Variants in ADCY9 observed in about 807,000 individuals in gnomAD.
ADCY9 encodes the protein adenylate cyclase 9, also known as adenylate cyclase type 9.
Under a neutral mutation model 101.5 loss-of-function variants are expected in ADCY9, and 50 were observed. The observed-to-expected ratio is 0.49, with a 90% CI of 0.39 to 0.62. ADCY9 has a LOEUF of 0.62. ADCY9 is among the 20% of genes least tolerant of loss of function. The pLI, the probability that ADCY9 is intolerant of heterozygous loss-of-function variation, is 0.00. For missense variants in ADCY9, 1,662 were observed against 1,800.4 expected, an observed-to-expected ratio of 0.92 and a Z score of 1.39; for synonymous variants, 905 against 769.3, an observed-to-expected ratio of 1.18 and a Z score of -2.92.
rs551907526 is a variant in ADCY9, at chr16:3,974,929, G to A, written c.2829-219C>T. ...AGTTTACGTCTTTGTTTACCATCCC[G>A]CATCCTCTCTATCCTGCTGAGGCTT... is the stretch of plus-strand genomic sequence containing the variant. On this transcript the variant is annotated intron_variant, in intron 9 of 10. Transcript: ENST00000294016. Among the ~76,000 whole-genome samples, 8 of 152,210 alleles carry A rather than the reference G, an allele frequency of 5.3e-5. No individual in the cohort carries two copies. The East Asian group carries it at 1.2e-3, about 22-fold the overall frequency.
At chr16:4,081,777 G>A (rs576328059) in intron 2 of ADCY9, among the ~76,000 whole-genome samples, 3 of 147,026 alleles carry the variant, frequency 2.0e-5, no homozygotes, top group African/African-American at 7.5e-5. Context: ...GGGGGAGGGT[G>A]CTGTGTCTGC....
rs144288582 is a variant in ADCY9, at chr16:3,994,578, C to G, written c.1885-1068G>C. Among the ~76,000 whole-genome samples, 259 of 152,316 alleles carry G rather than the reference C, an allele frequency of 1.7e-3. 2 individuals carry two copies. Among genetic ancestry groups the G allele is most frequent in the African/African-American group, 5.9e-3 (247 of 41,578 alleles). On this transcript the variant is annotated intron_variant, in intron 3 of 10. Transcript: ENST00000294016. The stretch of plus-strand genomic sequence containing the variant: ...TCAAGCGATTCTCCTGCCTCAGCCT[C>G]CTGAGTAGCTGCGATTACAGGTGCC...
At chr16:3,957,707 G>A (rs2055915104), downstream of ADCY9, among the ~76,000 whole-genome samples, 1 of 151,980 alleles carries the variant, frequency 6.6e-6, no homozygotes, top group Admixed American at 6.6e-5. Flanking sequence ...CGGGATGGGG[G>A]TCCTGGGAGG....
intron 2 of ADCY9, among the ~76,000 whole-genome samples, chr16:4,043,846 GAGA>G (rs918189466): frequency 6.6e-6 from 1 of 152,138 alleles, no homozygotes; most frequent in African/African-American, 2.4e-5. Flanking sequence ...TAACAAAAAA[GAGA>G]AGGAGAAGAA....
At chr16:4,106,732 C>T (rs2057079813) in intron 2 of ADCY9, among the ~76,000 whole-genome samples, 1 of 152,262 alleles carries the variant, frequency 6.6e-6, no homozygotes, top group African/African-American at 2.4e-5. Flanking sequence ...GGCTTCTGCA[C>T]ACTCTGTGCC....
intron 2 of ADCY9, among the ~76,000 whole-genome samples, chr16:4,012,682 G>T (rs1302003926): frequency 1.3e-5 from 2 of 152,156 alleles, no homozygotes; most frequent in African/African-American, 4.8e-5. Flanking sequence ...TTTGTCTATG[G>T]CTGTGTGCGT....
rs939458294 is a variant in ADCY9, at chr16:3,963,876, T to C, written c.*1899A>G. On this transcript the variant is annotated 3_prime_UTR_variant, in exon 11 of 11. Coordinates refer to ENST00000294016, the MANE Select transcript of ADCY9 (RefSeq NM_001116.4). ...AAATCTGCGGTGTTTTATAATACAT[T>C]CTTTAGAAGCAAGAGGTATTGTCAC... 1.3e-5 allele frequency: 2 copies of C among 152,648 alleles called. No homozygotes were observed. The highest frequency in any genetic ancestry group is 2.9e-5 in the Non-Finnish European group (2 of 68,096). 9.5% of individuals were successfully genotyped at this position (152,648 alleles called of 1,614,324 possible).
chr16:3,989,234 AC>A, intron 5 of ADCY9, 138 bp from the exon 6 acceptor site: 1 of 619,672 alleles, frequency 1.6e-6, no homozygotes, highest in Non-Finnish European at 2.9e-6. Context: ...TGTGGAACAG[AC>A]GCCACTCAGC....
At chr16:4,045,304 G>A (rs2056654947) in intron 2 of ADCY9, among the ~76,000 whole-genome samples, 1 of 151,998 alleles carries the variant, frequency 6.6e-6, no homozygotes, top group Non-Finnish European at 1.5e-5. Context: ...AGTTAGGAAG[G>A]AGCCAAACGC....
At chr16:4,056,082 G>T (rs571118483) in intron 2 of ADCY9, among the ~76,000 whole-genome samples, 1 of 152,176 alleles carries the variant, frequency 6.6e-6, no homozygotes, top group Admixed American at 6.5e-5. Context: ...GTGCGATACA[G>T]AACCCGAAAG....
rs571265868 is a variant in ADCY9 at position 4,100,511 on chromosome 16, AG to A, written c.1693+13238del. On this transcript the variant is annotated intron_variant, in intron 2 of 10. Transcript: ENST00000294016. ...CGCCTGGCTAATTTTTTGTATTTTT[AG>A]TAGACACGGGGTTTTGCCATGTCGG... Among the ~76,000 whole-genome samples the A allele has an allele frequency of 1.9e-3, 294 of 152,090 alleles. 1 individual carries two copies. The highest frequency in any genetic ancestry group is 6.7e-3 in the African/African-American group (278 of 41,504).
intron 2 of ADCY9, among the ~76,000 whole-genome samples, chr16:4,105,707 A>G (rs1446339994): frequency 6.7e-6 from 1 of 148,606 alleles, no homozygotes; most frequent in Non-Finnish European, 1.5e-5. Flanking sequence ...AATTAGTTGG[A>G]TGTGGTGGCA....
intron 2 of ADCY9, among the ~76,000 whole-genome samples, chr16:4,030,309 G>T (rs2056546478): frequency 6.6e-6 from 1 of 152,086 alleles, no homozygotes; most frequent in Admixed American, 6.6e-5. Flanking sequence ...TGACCGAGAA[G>T]GCACAACAGC....
At chr16:4,078,596 T>G (rs1028660455) in intron 2 of ADCY9, among the ~76,000 whole-genome samples, 1 of 149,410 alleles carries the variant, frequency 6.7e-6, no homozygotes, top group Non-Finnish European at 1.5e-5. Flanking sequence ...CATAAAAGTA[T>G]TAGAAGAAAA....
rs536054441 is a variant in ADCY9, at chr16:4,043,439, C to T, written c.1694-35881G>A. On this transcript the variant is annotated intron_variant, in intron 2 of 10. Coordinates refer to ENST00000294016, the MANE Select transcript of ADCY9 (RefSeq NM_001116.4). ...CTATAATCCCAGCACTTTGGGAAGC[C>T]GAGGCAGGAGGATCACTTGAGGTCA... 8.6e-5 allele frequency among the ~76,000 whole-genome samples: 13 copies of T among 152,044 alleles called. No homozygotes were observed. In the East Asian group the frequency reaches 1.6e-3, roughly 18 times the overall value.
chr16:4,000,974 C>CAG (rs1056250972), intron 3 of ADCY9, among the ~76,000 whole-genome samples: 2 of 142,060 alleles, frequency 1.4e-5, no homozygotes, highest in African/African-American at 5.0e-5. Flanking sequence ...TCTCTACACA[C>CAG]ACACACACAC....
At position 4,004,076 on chromosome 16, in the gene ADCY9, G is replaced by A. The variant is rs190771953; in HGVS notation, c.1884+3292C>T. 1.7e-3 allele frequency among the ~76,000 whole-genome samples: 255 copies of A among 149,036 alleles called. 3 individuals are homozygous for A. The highest frequency in any genetic ancestry group is 2.6e-3 in the Non-Finnish European group (177 of 67,354). On this transcript the variant is annotated intron_variant, in intron 3 of 10. Coordinates refer to ENST00000294016, the MANE Select transcript of ADCY9 (RefSeq NM_001116.4). ...GTTGGCAACCATCCTGGGCAATATAGCAAAAAAAAAAAAATTTAAAAATTA... is the reference window on the plus strand; with the variant it reads ...GTTGGCAACCATCCTGGGCAATATAACAAAAAAAAAAAAATTTAAAAATTA...
downstream of ADCY9, among the ~76,000 whole-genome samples, chr16:3,959,263 A>G (rs535993458): frequency 7.9e-5 from 12 of 151,906 alleles, no homozygotes; most frequent in African/African-American, 2.7e-4. Flanking sequence ...TAGGAGGCAG[A>G]GACAGGAGGA....
At chr16:4,074,240 C>T (rs1445917077) in intron 2 of ADCY9, among the ~76,000 whole-genome samples, 1 of 151,730 alleles carries the variant, frequency 6.6e-6, no homozygotes, top group Non-Finnish European at 1.5e-5. Context: ...TAGTAACTTA[C>T]AGTTATGAAG....
Sources: allele counts gnomAD v4.1 joint callset (sites outside exome capture counted in the v4.1 genomes callset), GRCh38; gene constraint gnomAD v4.1.1; transcripts MANE v1.5; gene names NCBI Gene and HGNC (gene_info 2026-07-23, HGNC 2026-07-21).